Variants in TLN2 observed in about 807,000 individuals in gnomAD.
TLN2 encodes talin-2.
In TLN2, 118 loss-of-function variants were observed where a neutral mutation model predicts 294.7. That is an observed-to-expected ratio of 0.40 (90% CI 0.34 to 0.47). TLN2 has a LOEUF of 0.47. Ranked by LOEUF, TLN2 falls within the 20% of genes least tolerant of loss-of-function variation. TLN2 has a pLI of 0.84. For missense variants in TLN2, 3,083 were observed against 3,282.2 expected (o/e 0.94, Z 1.48); for synonymous variants, 1,431 against 1,304.5 (o/e 1.10, Z -2.09).
chr15:62,617,520 G>T (rs1338527292), intron 2 of TLN2, among the ~76,000 whole-genome samples: 1 of 152,152 alleles, frequency 6.6e-6, no homozygotes, highest in Non-Finnish European at 1.5e-5. Flanking sequence ...CAGAAGCGGG[G>T]GGTACACTGG....
intron 1 of TLN2, among the ~76,000 whole-genome samples, chr15:62,564,621 C>T (rs369546993): frequency 7.2e-5 from 11 of 151,982 alleles, no homozygotes; most frequent in African/African-American, 2.7e-4. Context: ...ATGTTGCATT[C>T]CCAGGCCAGG....
intron 2 of TLN2, among the ~76,000 whole-genome samples, chr15:62,590,529 G>A (rs937560079): frequency 2.0e-5 from 3 of 151,986 alleles, no homozygotes; most frequent in Admixed American, 6.6e-5. Flanking sequence ...CGTATCCCAC[G>A]GTGTATATGT....
At chr15:62,694,257 G>A (rs1467594816) in intron 13 of TLN2, 59 bp from the exon 14 acceptor site, 8 of 1,527,480 alleles carry the variant, frequency 5.2e-6, no homozygotes, top group South Asian at 3.4e-5. Flanking sequence ...GATTAGAGGC[G>A]TGAGCCACCG....
chr15:62,467,008 T>C (rs756866585), intron 1 of TLN2, among the ~76,000 whole-genome samples: 3 of 152,244 alleles, frequency 2.0e-5, no homozygotes, highest in Non-Finnish European at 2.9e-5. Context: ...TTGTGAGCCT[T>C]GCCTCAAGCT....
intron 2 of TLN2, among the ~76,000 whole-genome samples, chr15:62,614,484 C>T (rs1050305526): frequency 6.6e-6 from 1 of 152,110 alleles, no homozygotes; most frequent in African/African-American, 2.4e-5. Flanking sequence ...TGGCCCTCTA[C>T]TCCTTTAAAA....
chr15:62,839,684 G>A (rs2141270873), intron 58 of TLN2, among the ~76,000 whole-genome samples: 1 of 152,328 alleles, frequency 6.6e-6, no homozygotes, highest in South Asian at 2.1e-4. Context: ...GAGCACTGAA[G>A]TTATTCATTC....
intron 28 of TLN2, among the ~76,000 whole-genome samples, chr15:62,729,840 C>T (rs2060623324): frequency 6.6e-6 from 1 of 151,832 alleles, no homozygotes; most frequent in African/African-American, 2.4e-5. Context: ...CTTTGCTTGC[C>T]TCCTTTCAGA....
chr15:62,439,012 A>C (rs1473096700), intron 1 of TLN2, among the ~76,000 whole-genome samples: 1 of 152,230 alleles, frequency 6.6e-6, no homozygotes, highest in African/African-American at 2.4e-5. Context: ...TTATTGTTTA[A>C]AAGCTAATTA....
At chr15:62,754,877 T>A (rs575575641) in intron 36 of TLN2, 1 of 152,116 alleles carries the variant, frequency 6.6e-6, no homozygotes, top group African/African-American at 2.4e-5. Flanking sequence ...CCTCCATGGA[T>A]GAGGAGGGAG....
At chr15:62,826,425 G>C (rs569861075) in intron 54 of TLN2, among the ~76,000 whole-genome samples, 2 of 152,208 alleles carry the variant, frequency 1.3e-5, no homozygotes, top group Non-Finnish European at 2.9e-5. Flanking sequence ...CCATTTGGCA[G>C]TTTCTCTGCC....
intron 42 of TLN2, among the ~76,000 whole-genome samples, chr15:62,772,486 C>T (rs2063407674): frequency 6.6e-6 from 1 of 152,052 alleles, no homozygotes; most frequent in South Asian, 2.1e-4. Context: ...GTCGTGCCAG[C>T]CCCCTTTGCA....
intron 1 of TLN2, among the ~76,000 whole-genome samples, chr15:62,454,854 GT>G (rs2036370592): frequency 6.6e-6 from 1 of 152,110 alleles, no homozygotes; most frequent in Non-Finnish European, 1.5e-5. Context: ...CCAGAGCATT[GT>G]TCCCAAGACC....
intron 1 of TLN2, among the ~76,000 whole-genome samples, chr15:62,532,478 C>G (rs991319509): frequency 6.6e-6 from 1 of 152,120 alleles, no homozygotes; most frequent in African/African-American, 2.4e-5. Context: ...CCAGACCCAG[C>G]CAGCAGTGAA....
At chr15:62,611,627 C>G (rs2047923479) in intron 2 of TLN2, among the ~76,000 whole-genome samples, 1 of 152,192 alleles carries the variant, frequency 6.6e-6, no homozygotes, top group Non-Finnish European at 1.5e-5. Context: ...ATCTCCTATC[C>G]TTCCTTCCTG....
At chr15:62,536,393 G>T (rs1254456921) in intron 1 of TLN2, among the ~76,000 whole-genome samples, 1 of 152,100 alleles carries the variant, frequency 6.6e-6, no homozygotes, top group East Asian at 1.9e-4. Flanking sequence ...ATCCGTAGGG[G>T]CTTCTGATAT....
At chr15:62,671,202 T>A (rs541861026) in intron 9 of TLN2, among the ~76,000 whole-genome samples, 6 of 152,378 alleles carry the variant, frequency 3.9e-5, no homozygotes, top group African/African-American at 1.4e-4. Flanking sequence ...ATACATAATT[T>A]GCCAATATTT....
intron 31 of TLN2, among the ~76,000 whole-genome samples, chr15:62,739,980 A>T (rs924397925): frequency 1.3e-5 from 2 of 151,878 alleles, no homozygotes; most frequent in African/African-American, 4.8e-5. Flanking sequence ...AGATGAACAG[A>T]TAAACCCCTT....
intron 1 of TLN2, among the ~76,000 whole-genome samples, chr15:62,428,254 G>A (rs1185733652): frequency 6.6e-6 from 1 of 152,204 alleles, no homozygotes; most frequent in African/African-American, 2.4e-5. Flanking sequence ...GGATGGAGTC[G>A]TGTTTTGCCA....
At chr15:62,592,058 ACTGTGCT>A (rs1229391464) in intron 2 of TLN2, among the ~76,000 whole-genome samples, 2 of 151,952 alleles carry the variant, frequency 1.3e-5, no homozygotes, top group African/African-American at 2.4e-5. Context: ...GAAATGGAAA[ACTGTGCT>A]TTCTGTTTAC....
Sources: allele counts gnomAD v4.1 joint callset (sites outside exome capture counted in the v4.1 genomes callset), GRCh38; gene constraint gnomAD v4.1.1; transcripts MANE v1.5; gene names NCBI Gene and HGNC (gene_info 2026-07-23, HGNC 2026-07-21).